Variants in USP37 observed in about 807,000 individuals in gnomAD.
USP37 encodes ubiquitin specific peptidase 37, also known as ubiquitin carboxyl-terminal hydrolase 37.
In USP37, 27 loss-of-function variants were observed where a neutral mutation model predicts 124.0. The observed-to-expected ratio is 0.22, with a 90% CI of 0.16 to 0.30. The LOEUF (loss-of-function observed/expected upper bound fraction) is 0.30. Ranked by LOEUF, USP37 falls within the 10% of genes least tolerant of loss-of-function variation. The pLI, the probability that USP37 is intolerant of heterozygous loss-of-function variation, is 1.00. For synonymous variants in USP37, 365 were observed against 388.0 expected (o/e 0.94, Z 0.70); for missense variants, 889 against 1,140.4 (o/e 0.78, Z 3.17).
intron 16 of USP37, 73 bp downstream of exon 16, chr2:218,485,591 A>G: frequency 6.8e-7 from 1 of 1,462,814 alleles, no homozygotes; most frequent in Non-Finnish European, 9.2e-7. Context: ...AAAAAGAAAA[A>G]TTGAAAAGCA....
Position 218,479,702 on chromosome 2 carries a change from T to C in USP37, c.1849A>G (p.Lys617Glu). ...SAHMAISRPL[K>E]ASQMVNSCIT... ...CAGGAATTCACCATTTGAGAGGCTT[T>C]CAATGGTCTAGAACTATCAGAAAAT... Residue 617 changes from lysine (K) to glutamate (E), a missense_variant, in exon 18 of 26, where the codon AAA becomes GAA. Coordinates refer to ENST00000258399, the MANE Select transcript of USP37 (RefSeq NM_020935.3). The C allele has an allele frequency of 6.2e-7, 1 of 1,611,698 alleles. No individual in the cohort carries two copies. Among genetic ancestry groups the C allele is most frequent in the Non-Finnish European group, 8.5e-7 (1 of 1,178,682 alleles).
intron 9 of USP37, among the ~76,000 whole-genome samples, chr2:218,530,371 A>AT (rs1691258065): frequency 1.3e-5 from 2 of 152,126 alleles, no homozygotes; most frequent in Non-Finnish European, 2.9e-5. Context: ...CTTTTTAATT[A>AT]TATCTATTAC....
At chr2:218,544,545 C>T (rs1692219002) in intron 8 of USP37, among the ~76,000 whole-genome samples, 1 of 150,150 alleles carries the variant, frequency 6.7e-6, no homozygotes, top group African/African-American at 2.5e-5. Flanking sequence ...GCTATATGGC[C>T]TTGATGAAAA....
At chr2:218,519,851 C>T (rs1286716556) in intron 10 of USP37, among the ~76,000 whole-genome samples, 3 of 152,070 alleles carry the variant, frequency 2.0e-5, no homozygotes, top group African/African-American at 7.2e-5. Flanking sequence ...GATCCACCCA[C>T]CTGAGGCTCC....
At chr2:218,525,485 AAAAT>A (rs997697211) in intron 10 of USP37, among the ~76,000 whole-genome samples, 4 of 152,212 alleles carry the variant, frequency 2.6e-5, no homozygotes, top group Non-Finnish European at 5.9e-5. Context: ...CCCTGTCTAA[AAAAT>A]AAATAAATAA....
chr2:218,475,262 C>T (rs1051442670), intron 19 of USP37, among the ~76,000 whole-genome samples: 2 of 152,082 alleles, frequency 1.3e-5, no homozygotes, highest in Admixed American at 6.5e-5. Context: ...GCCTACTACA[C>T]CATTATAAAT....
intron 4 of USP37, among the ~76,000 whole-genome samples, chr2:218,555,641 C>G (rs373296176): frequency 6.6e-6 from 1 of 152,166 alleles, no homozygotes; most frequent in African/African-American, 2.4e-5. Flanking sequence ...ACTTCAACAA[C>G]TGAAAAGCCC....
Position 218,472,467 on chromosome 2 carries a change from TC to T in USP37, c.2299+2162del, listed in dbSNP as rs1431047775. 6.6e-5 allele frequency among the ~76,000 whole-genome samples: 10 copies of T among 151,214 alleles called. 1 individual carries two copies. The highest frequency in any genetic ancestry group is 4.2e-4 in the South Asian group (2 of 4,782). The stretch of plus-strand genomic sequence containing the variant: ...AAGCACGTCAGCCTGAATCTCTCTC[TC>T]TTTTTTTTTTTTGAGACAGAGTTTT... On this transcript the variant is annotated intron_variant, in intron 20 of 25. Coordinates refer to ENST00000258399, the MANE Select transcript of USP37 (RefSeq NM_020935.3).
At chr2:218,543,493 C>T (rs1692105283) in intron 8 of USP37, among the ~76,000 whole-genome samples, 1 of 107,148 alleles carries the variant, frequency 9.3e-6, no homozygotes, top group Non-Finnish European at 1.8e-5. Context: ...CAGTGCATGA[C>T]TCCGTCTCAA....
chr2:218,479,552 A>G, intron 18 of USP37, 98 bp downstream of exon 18: 1 of 1,014,402 alleles, frequency 9.9e-7, no homozygotes, highest in South Asian at 1.3e-5. Context: ...TCATGCAAAA[A>G]GAAAAACAAT....
intron 15 of USP37, 40 bp from the exon 16 acceptor site, chr2:218,485,783 G>C: frequency 1.3e-6 from 2 of 1,571,570 alleles, no homozygotes; most frequent in Non-Finnish European, 1.7e-6. Context: ...AGGTGAATCA[G>C]CATTAGTATC....
intron 8 of USP37, among the ~76,000 whole-genome samples, chr2:218,541,083 C>A (rs1691946106): frequency 6.6e-6 from 1 of 152,096 alleles, no homozygotes; most frequent in Non-Finnish European, 1.5e-5. Flanking sequence ...ATATATGGGT[C>A]CAGCAACCAA....
At chr2:218,515,298 A>G (rs1690216420) in intron 10 of USP37, among the ~76,000 whole-genome samples, 1 of 152,156 alleles carries the variant, frequency 6.6e-6, no homozygotes, top group Admixed American at 6.5e-5. Flanking sequence ...TTCAAACTAT[A>G]CTACAAGGCT....
At chr2:218,539,541 C>A (rs1316628683) in intron 8 of USP37, among the ~76,000 whole-genome samples, 2 of 151,420 alleles carry the variant, frequency 1.3e-5, no homozygotes, top group African/African-American at 2.4e-5. Flanking sequence ...GTGGTGAAAC[C>A]CCGTCTCTAC....
chr2:218,474,777 T>C lies in USP37; in HGVS notation c.2152A>G (p.Arg718Gly), dbSNP rs375538214. Residue 718 changes from arginine (R) to glycine (G), a missense_variant, in exon 20 of 26, where the codon AGA becomes GGA. This residue lies in a region of USP37 where 504 missense variants were observed against 714.3 expected (regional missense o/e 0.71). Coordinates refer to ENST00000258399, the MANE Select transcript of USP37 (RefSeq NM_020935.3). Reference protein sequence around the residue: ...LLAAVLEISKRDASPSLSHED... With the variant: ...LLAAVLEISKGDASPSLSHED... Reference sequence around the variant, plus strand: ...TGACTCAGAGATGGTGAAGCATCTCTCTTACTTATCTCCAAGACAGCTGCT... The same window carrying C: ...TGACTCAGAGATGGTGAAGCATCTCCCTTACTTATCTCCAAGACAGCTGCT... 75 of 1,614,088 alleles carry C rather than the reference T, an allele frequency of 4.6e-5. No individual in the cohort carries two copies. The highest frequency in any genetic ancestry group is 6.3e-5 in the Non-Finnish European group (74 of 1,180,034).
At chr2:218,497,542 T>G (rs1377126923) in intron 13 of USP37, among the ~76,000 whole-genome samples, 192 bp downstream of exon 13, 2 of 151,232 alleles carry the variant, frequency 1.3e-5, no homozygotes, top group Admixed American at 6.6e-5. Context: ...TACAGGCGCA[T>G]GCCACCACGC....
chr2:218,539,679 C>T (rs1212097164), intron 8 of USP37, among the ~76,000 whole-genome samples: 1 of 151,600 alleles, frequency 6.6e-6, no homozygotes, highest in Non-Finnish European at 1.5e-5. Context: ...TGTGTCACTG[C>T]ACTCCAGCCC....
chr2:218,508,537 G>C lies in USP37; in HGVS notation c.1025+1442C>G, dbSNP rs546867103. Among the ~76,000 whole-genome samples the C allele has an allele frequency of 2.0e-5, 3 of 152,206 alleles. No homozygotes were observed. The South Asian group carries it at 6.2e-4, about 32-fold the overall frequency. On this transcript the variant is annotated intron_variant, in intron 11 of 25. Transcript: ENST00000258399. ...AAAATATATACAGGAGAAGGCAATA[G>C]GAAAATGAAACAAGTAAGATCAGGG...
At chr2:218,469,532 A>G (rs1690554932) in intron 20 of USP37, among the ~76,000 whole-genome samples, 1 of 152,206 alleles carries the variant, frequency 6.6e-6, no homozygotes, top group Non-Finnish European at 1.5e-5. Flanking sequence ...AAAACGTGAC[A>G]GAATAATTTT....
Sources: gnomAD v4.1 joint callset for allele counts (sites outside exome capture counted in the v4.1 genomes callset) on GRCh38, gnomAD v4.1.1 for gene constraint, gnomAD v4.1.1 regional missense constraint, MANE v1.5 for transcripts, NCBI Gene and HGNC (gene_info 2026-07-23, HGNC 2026-07-21) for gene names.